The following ATP9B variants were observed in gnomAD, a reference collection of about 807,000 sequenced individuals.
The protein encoded by ATP9B is probable phospholipid-transporting ATPase IIB.
Under a neutral mutation model 146.1 loss-of-function variants are expected in ATP9B, and 110 were observed. That is an observed-to-expected ratio of 0.75 (90% CI 0.65 to 0.88). The LOEUF (loss-of-function observed/expected upper bound fraction) is 0.88, where lower values mean the gene tolerates loss of function less well. ATP9B is among the 40% of genes least tolerant of loss of function. The pLI, the probability that ATP9B is intolerant of heterozygous loss-of-function variation, is 0.00. For missense variants in ATP9B, 1,499 were observed against 1,496.4 expected, an observed-to-expected ratio of 1.00 and a Z score of -0.03; for synonymous variants, 604 against 569.7, an observed-to-expected ratio of 1.06 and a Z score of -0.86.
intron 26 of ATP9B, among the ~76,000 whole-genome samples, chr18:79,371,622 C>T (rs1407252431): frequency 6.6e-6 from 1 of 152,242 alleles, no homozygotes. Flanking sequence ...GCATTTCCAG[C>T]GTCCGTGCCT....
At chr18:79,322,150 G>A (rs1167690429) in intron 15 of ATP9B, among the ~76,000 whole-genome samples, 1 of 152,066 alleles carries the variant, frequency 6.6e-6, no homozygotes, top group African/African-American at 2.4e-5. Context: ...CTGAATTACA[G>A]GACTGCGTCA....
intron 1 of ATP9B, among the ~76,000 whole-genome samples, chr18:79,080,609 T>C (rs189354444): frequency 5.3e-5 from 8 of 152,336 alleles, no homozygotes; most frequent in African/African-American, 1.7e-4. Context: ...GAATACCCTT[T>C]ATTTCTTTCT....
rs114770433 is a variant in ATP9B at position 79,269,213 on chromosome 18, C to T, written c.1269-7841C>T. Among the ~76,000 whole-genome samples the T allele has an allele frequency of 2.0e-3, 303 of 152,126 alleles. 1 individual carries two copies. The highest frequency in any genetic ancestry group is 6.7e-3 in the African/African-American group (277 of 41,498). ...TCGATGTCCTCACTGTGTCCCCACG[C>T]GGGACATGAGGTCAGGGCTTGGTCA... is the stretch of plus-strand genomic sequence containing the variant. On this transcript the variant is annotated intron_variant, in intron 12 of 29. Coordinates refer to ENST00000426216, the MANE Select transcript of ATP9B (RefSeq NM_198531.5).
chr18:79,255,675 C>A lies in ATP9B; in HGVS notation c.1268+2134C>A, dbSNP rs1180570649. Among the ~76,000 whole-genome samples, 18 of 152,234 alleles carry A rather than the reference C, an allele frequency of 1.2e-4. 1 individual carries two copies. In the South Asian group the frequency reaches 2.9e-3, roughly 24 times the overall value. On this transcript the variant is annotated intron_variant, in intron 12 of 29. Coordinates refer to ENST00000426216, the MANE Select transcript of ATP9B (RefSeq NM_198531.5). ...CTCCTAGAGCTGCAGTGAGCCCCTC[C>A]TGACACTGCAGCCTTGCTCACTCAA...
At chr18:79,151,731 T>G (rs991283693) in intron 6 of ATP9B, among the ~76,000 whole-genome samples, 2 of 152,116 alleles carry the variant, frequency 1.3e-5, no homozygotes, top group Non-Finnish European at 2.9e-5. Flanking sequence ...AGAAGTGTTT[T>G]TTTTTTTTTT....
intron 19 of ATP9B, among the ~76,000 whole-genome samples, chr18:79,341,756 C>CT (rs1162799961): frequency 6.0e-5 from 8 of 132,648 alleles, no homozygotes; most frequent in South Asian, 2.5e-4. Flanking sequence ...GTAGCGTGAC[C>CT]TGTTGAAGCC....
chr18:79,223,863 C>G (rs1402463538), intron 11 of ATP9B, among the ~76,000 whole-genome samples: 1 of 152,152 alleles, frequency 6.6e-6, no homozygotes, highest in Non-Finnish European at 1.5e-5. Flanking sequence ...GCATAATGCT[C>G]TATCAGAGTG....
At chr18:79,083,924 G>A (rs570794466) in intron 1 of ATP9B, among the ~76,000 whole-genome samples, 45 of 149,776 alleles carry the variant, frequency 3.0e-4, no homozygotes, top group African/African-American at 1.0e-3. Context: ...GTGCAGTGGC[G>A]CCATCTTGGC....
chr18:79,332,233 T>A (rs757052460), intron 17 of ATP9B, among the ~76,000 whole-genome samples: 1 of 152,062 alleles, frequency 6.6e-6, no homozygotes, highest in Admixed American at 6.5e-5. Flanking sequence ...ATTGAGACCC[T>A]CCTGGCTAAC....
At chr18:79,100,012 C>G (rs1299456758) in intron 2 of ATP9B, among the ~76,000 whole-genome samples, 1 of 152,086 alleles carries the variant, frequency 6.6e-6, no homozygotes, top group East Asian at 1.9e-4. Context: ...GTAGCCCCAG[C>G]TATGCGGGAG....
At chr18:79,225,870 TCTTCAGCGTCTGAGTG>T (rs1458906873) in intron 11 of ATP9B, among the ~76,000 whole-genome samples, 20,171 of 144,068 alleles carry the variant, frequency 0.14, 5,609 homozygotes, top group South Asian at 0.2. Context: ...GCGGCCACTG[TCTTCAGCGTCTGAGTG>T]ACTGTTGGGT....
At chr18:79,307,477 T>G in intron 15 of ATP9B, 1 of 526,252 alleles carries the variant, frequency 1.9e-6, no homozygotes. Flanking sequence ...CACCCAGGGC[T>G]GGTCACAGGG....
chr18:79,108,369 A>C lies in ATP9B; in HGVS notation c.294-1986A>C, dbSNP rs144312103. On this transcript the variant is annotated intron_variant, in intron 2 of 29. Transcript: ENST00000426216. ...TCAGCATTTTATTGAAATCTACTTGACCATTTCCTTTCCTACCCTACCAAA... is the reference window on the plus strand; with the variant it reads ...TCAGCATTTTATTGAAATCTACTTGCCCATTTCCTTTCCTACCCTACCAAA... Among the ~76,000 whole-genome samples, 744 of 152,306 alleles carry C rather than the reference A, an allele frequency of 4.9e-3. 5 individuals carry two copies. Among genetic ancestry groups the C allele is most frequent in the South Asian group, 0.025 (119 of 4,816 alleles).
chr18:79,201,458 A>G (rs933409674), intron 9 of ATP9B, among the ~76,000 whole-genome samples: 14 of 152,216 alleles, frequency 9.2e-5, no homozygotes, highest in African/African-American at 2.9e-4. Flanking sequence ...AAGAATTAGA[A>G]CAAATTGGCT....
intron 8 of ATP9B, among the ~76,000 whole-genome samples, chr18:79,192,313 C>A (rs761010985): frequency 1.3e-5 from 2 of 152,010 alleles, no homozygotes; most frequent in Non-Finnish European, 2.9e-5. Context: ...ATAGAAATGG[C>A]AAACTCTGTG....
At chr18:79,227,582 C>G (rs1488459945) in intron 11 of ATP9B, among the ~76,000 whole-genome samples, 2 of 152,180 alleles carry the variant, frequency 1.3e-5, no homozygotes, top group African/African-American at 4.8e-5. Flanking sequence ...CACATTGTAA[C>G]TCCTTCCCTG....
At chr18:79,245,094 C>T (rs537658452) in intron 11 of ATP9B, among the ~76,000 whole-genome samples, 1 of 152,162 alleles carries the variant, frequency 6.6e-6, no homozygotes, top group Non-Finnish European at 1.5e-5. Context: ...TCAGGATCTG[C>T]TCTTCTTGGA....
intron 4 of ATP9B, among the ~76,000 whole-genome samples, chr18:79,118,540 A>G (rs1322205204): frequency 3.3e-5 from 5 of 151,496 alleles, no homozygotes; most frequent in Non-Finnish European, 2.9e-5. Context: ...AGCTGGGACT[A>G]CAGATACCTG....
intron 26 of ATP9B, among the ~76,000 whole-genome samples, chr18:79,371,099 T>C (rs991105735): frequency 6.6e-6 from 1 of 152,092 alleles, no homozygotes; most frequent in African/African-American, 2.4e-5. Context: ...CTTGGCTGGG[T>C]GCGGTGGCTC....
Sources: allele counts gnomAD v4.1 joint callset (sites outside exome capture counted in the v4.1 genomes callset), GRCh38; gene constraint gnomAD v4.1.1; transcripts MANE v1.5; gene names NCBI Gene and HGNC (gene_info 2026-07-23, HGNC 2026-07-21).